Variants in BTBD9 observed in about 807,000 individuals in gnomAD.
BTBD9 encodes the protein BTB/POZ domain-containing protein 9.
Under a neutral mutation model 64.3 loss-of-function variants are expected in BTBD9, and 49 were observed. The observed-to-expected ratio is 0.76, with a 90% confidence interval of 0.61 to 0.97. BTBD9 has a LOEUF of 0.97. BTBD9 is among the 50% of genes least tolerant of loss of function. BTBD9 has a pLI of 0.00. For synonymous variants in BTBD9, 260 were observed against 274.7 expected (o/e 0.95, Z 0.53); for missense variants, 598 against 762.1 (o/e 0.78, Z 2.53).
At chr6:38,194,300 T>G (rs537449054) in intron 9 of BTBD9, among the ~76,000 whole-genome samples, 2 of 152,310 alleles carry the variant, frequency 1.3e-5, no homozygotes, top group Non-Finnish European at 2.9e-5. Flanking sequence ...TCACACTGTT[T>G]GGGACATCAG....
At chr6:38,350,645 G>A (rs931328853) in intron 6 of BTBD9, among the ~76,000 whole-genome samples, 1 of 152,100 alleles carries the variant, frequency 6.6e-6, no homozygotes, top group Non-Finnish European at 1.5e-5. Context: ...TATATTCTTA[G>A]GTTAAACAAA....
intron 7 of BTBD9, among the ~76,000 whole-genome samples, chr6:38,296,844 G>C (rs1191534091): frequency 6.6e-6 from 1 of 151,982 alleles, no homozygotes; most frequent in Non-Finnish European, 1.5e-5. Context: ...TAATTAAATT[G>C]CAATGTGGAA....
chr6:38,403,044 G>A, intron 6 of BTBD9: 6 of 247,130 alleles, frequency 2.4e-5, no homozygotes, highest in East Asian at 1.6e-4. Flanking sequence ...CAGCCTGGGT[G>A]ATAGAGTGAA....
chr6:38,611,363 T>C (rs1012632631), intron 1 of BTBD9, among the ~76,000 whole-genome samples: 1 of 152,148 alleles, frequency 6.6e-6, no homozygotes, highest in African/African-American at 2.4e-5. Flanking sequence ...GATTTCTCTT[T>C]TACATAAATG....
chr6:38,534,170 G>T (rs2127432207), intron 6 of BTBD9, among the ~76,000 whole-genome samples: 1 of 152,026 alleles, frequency 6.6e-6, no homozygotes, highest in Admixed American at 6.5e-5. Flanking sequence ...AAAAAAATCA[G>T]AGATGAAAAA....
At chr6:38,406,262 G>A (rs1193722105) in intron 6 of BTBD9, among the ~76,000 whole-genome samples, 1 of 152,128 alleles carries the variant, frequency 6.6e-6, no homozygotes, top group African/African-American at 2.4e-5. Context: ...AGGAGCATCA[G>A]CATAGGCCAA....
At chr6:38,233,638 A>G (rs2127519035) in intron 9 of BTBD9, among the ~76,000 whole-genome samples, 1 of 152,352 alleles carries the variant, frequency 6.6e-6, no homozygotes, top group South Asian at 2.1e-4. Flanking sequence ...ACCTTTTGGC[A>G]GGTAGAGTTT....
chr6:38,592,956 T>C, intron 3 of BTBD9, 116 bp from the exon 4 acceptor site: 8 of 1,053,656 alleles, frequency 7.6e-6, no homozygotes, highest in South Asian at 1.6e-5. Context: ...TTTGACCCTC[T>C]CCTTCCCTTA....
intron 10 of BTBD9, 99 bp downstream of exon 10, chr6:38,192,420 A>G: frequency 9.1e-7 from 1 of 1,096,172 alleles, no homozygotes; most frequent in Non-Finnish European, 1.4e-6. Flanking sequence ...ATAGCAGGCC[A>G]TTAGCAGGCA....
rs181546904 is a variant in BTBD9 at position 38,184,577 on chromosome 6, G to A, written c.1641+7942C>T. ...TCTCTGTGCTCTGCCACAGAGCACA[G>A]AGAGCGCCCACTGGGGGTTCTGGCC... On this transcript the variant is annotated intron_variant, in intron 10 of 10. Transcript: ENST00000481247. This position sits in a 1 kb window ranked among gnomAD's most constrained non-coding sequence, Gnocchi z 4.4. Among the ~76,000 whole-genome samples the A allele has an allele frequency of 8.6e-3, 1,314 of 152,194 alleles. 14 individuals are homozygous for A. The highest frequency in any genetic ancestry group is 0.015 in the Non-Finnish European group (997 of 67,990).
chr6:38,186,198 A>T (rs1761810515), intron 10 of BTBD9, among the ~76,000 whole-genome samples: 1 of 152,228 alleles, frequency 6.6e-6, no homozygotes, highest in African/African-American at 2.4e-5. Flanking sequence ...GCCAACACTT[A>T]GTATTGAGTT....
rs920412011 is a variant in BTBD9 at position 38,206,251 on chromosome 6, C to A, written c.1563-13654G>T. Among the ~76,000 whole-genome samples the A allele has an allele frequency of 1.6e-4, 24 of 151,118 alleles. 1 individual carries two copies. The East Asian group carries it at 2.9e-3, about 18-fold the overall frequency. On this transcript the variant is annotated intron_variant, in intron 9 of 10. Transcript: ENST00000481247. ...TTTTTTTTGGAGATGGAGTCTTGCT[C>A]TGTTGCCAGGCTAGAGTACAGTGGC...
intron 9 of BTBD9, among the ~76,000 whole-genome samples, chr6:38,249,421 T>C (rs1764316881): frequency 1.3e-5 from 2 of 151,592 alleles, no homozygotes; most frequent in African/African-American, 4.9e-5. Flanking sequence ...ATCTGGCTAA[T>C]TTTTTTTTCA....
chr6:38,544,088 C>G (rs941863920), intron 6 of BTBD9, among the ~76,000 whole-genome samples: 1 of 151,998 alleles, frequency 6.6e-6, no homozygotes, highest in African/African-American at 2.4e-5. Flanking sequence ...TAGATTCAAC[C>G]AATCAACTGT....
At chr6:38,494,437 G>C (rs1418070128) in intron 6 of BTBD9, among the ~76,000 whole-genome samples, 2 of 152,224 alleles carry the variant, frequency 1.3e-5, no homozygotes, top group Non-Finnish European at 2.9e-5. Flanking sequence ...ACTGCAATGA[G>C]AGGGAATTCT....
chr6:38,613,545 C>T (rs988966375), intron 1 of BTBD9, among the ~76,000 whole-genome samples: 1 of 151,776 alleles, frequency 6.6e-6, no homozygotes, highest in Non-Finnish European at 1.5e-5. Flanking sequence ...AGGTGGAGGC[C>T]GCAGTGAGCC....
chr6:38,240,148 C>A (rs1763945061), intron 9 of BTBD9, among the ~76,000 whole-genome samples: 1 of 152,172 alleles, frequency 6.6e-6, no homozygotes, highest in African/African-American at 2.4e-5. Context: ...TTCTTGTATC[C>A]ACCAAGGCCA....
intron 6 of BTBD9, among the ~76,000 whole-genome samples, chr6:38,486,581 G>A (rs1771437002): frequency 2.0e-5 from 3 of 152,206 alleles, no homozygotes; most frequent in South Asian, 4.1e-4. Flanking sequence ...CCAGTCAGTG[G>A]AGCAGTCAGA....
chr6:38,198,932 C>CA (rs1238031852), intron 9 of BTBD9, among the ~76,000 whole-genome samples: 4 of 152,180 alleles, frequency 2.6e-5, no homozygotes, highest in African/African-American at 9.7e-5. Context: ...CAAGTGGAAT[C>CA]ACACCACAGA....
Sources: gnomAD v4.1 joint callset for allele counts (sites outside exome capture counted in the v4.1 genomes callset) on GRCh38, gnomAD v4.1.1 for gene constraint, Gnocchi (gnomAD v3.1) non-coding constraint, MANE v1.5 for transcripts, NCBI Gene and HGNC (gene_info 2026-07-23, HGNC 2026-07-21) for gene names.